The following WDPCP variants were observed in gnomAD, a reference collection of about 807,000 sequenced individuals.
WDPCP encodes the protein WD repeat containing planar cell polarity effector.
A neutral mutation model predicts 93.1 loss-of-function variants in WDPCP; 71 were observed. The ratio of observed to expected loss-of-function variants is 0.76; its 90% CI spans 0.63 to 0.93. The LOEUF is 0.93. WDPCP is among the 40% of genes least tolerant of loss of function. WDPCP has a pLI of 0.00. For missense variants in WDPCP, 844 were observed against 887.4 expected, an observed-to-expected ratio of 0.95 and a Z score of 0.62; for synonymous variants, 315 against 315.0, an observed-to-expected ratio of 1.00 and a Z score of 0.00.
intron 2 of WDPCP, among the ~76,000 whole-genome samples, chr2:63,763,225 C>T (rs763502955): frequency 8.6e-5 from 13 of 152,028 alleles, no homozygotes; most frequent in Non-Finnish European, 1.2e-4. Context: ...GTTGATGGTC[C>T]GGGCACGGTG....
At chr2:63,473,454 A>G (rs1699800369) in intron 6 of WDPCP, among the ~76,000 whole-genome samples, 1 of 152,144 alleles carries the variant, frequency 6.6e-6, no homozygotes, top group Non-Finnish European at 1.5e-5. Flanking sequence ...CTCTTTATAC[A>G]AACTTTCAAC....
chr2:63,606,869 C>T, intron 3 of WDPCP: 1 of 1,610,036 alleles, frequency 6.2e-7, no homozygotes. Flanking sequence ...CAGAATAAGA[C>T]CTGGAAGTTT....
At chr2:63,796,588 A>C (rs1558912867) in intron 2 of WDPCP, among the ~76,000 whole-genome samples, 2 of 152,224 alleles carry the variant, frequency 1.3e-5, no homozygotes, top group African/African-American at 4.8e-5. Context: ...GAAACATTGC[A>C]ATGGAACTCA....
At chr2:63,301,487 CT>C (rs1424858345) in intron 13 of WDPCP, among the ~76,000 whole-genome samples, 4 of 152,294 alleles carry the variant, frequency 2.6e-5, no homozygotes, top group African/African-American at 9.6e-5. Context: ...TTAAAGTGGC[CT>C]TCTTCAACTA....
At chr2:63,704,796 G>A (rs1041335947) in intron 2 of WDPCP, among the ~76,000 whole-genome samples, 2 of 152,176 alleles carry the variant, frequency 1.3e-5, no homozygotes, top group Non-Finnish European at 2.9e-5. Context: ...TTGGTATCAG[G>A]ATGATGCTGG....
At chr2:63,203,812 A>G (rs1676107089) in intron 14 of WDPCP, among the ~76,000 whole-genome samples, 1 of 152,240 alleles carries the variant, frequency 6.6e-6, no homozygotes, top group African/African-American at 2.4e-5. Context: ...AAATGAGAAC[A>G]TGAGAAGTTT....
intron 1 of WDPCP, among the ~76,000 whole-genome samples, chr2:63,814,242 A>G (rs1670900021): frequency 6.6e-6 from 1 of 152,178 alleles, no homozygotes; most frequent in African/African-American, 2.4e-5. Context: ...TTATTTTCCC[A>G]GCCTCCTTTA....
intron 10 of WDPCP, among the ~76,000 whole-genome samples, chr2:63,401,502 A>C (rs1203309020): frequency 6.6e-6 from 1 of 152,124 alleles, no homozygotes; most frequent in East Asian, 1.9e-4. Flanking sequence ...GGCCAGGTGC[A>C]GTGGCTCACA....
intron 13 of WDPCP, among the ~76,000 whole-genome samples, chr2:63,264,791 A>C (rs1313951303): frequency 6.6e-6 from 1 of 152,248 alleles, no homozygotes; most frequent in Non-Finnish European, 1.5e-5. Context: ...TCAAGAGTAC[A>C]TTGAACATTC....
chr2:63,532,551 T>C (rs1575595236), intron 1 of WDPCP, among the ~76,000 whole-genome samples: 1 of 152,192 alleles, frequency 6.6e-6, no homozygotes. Flanking sequence ...TGGGGGCCAA[T>C]ATTCAACATT....
At chr2:63,296,191 A>T (rs1165706923) in intron 13 of WDPCP, among the ~76,000 whole-genome samples, 1 of 145,538 alleles carries the variant, frequency 6.9e-6, no homozygotes, top group African/African-American at 2.6e-5. Flanking sequence ...CAAAAACCAT[A>T]TGATCATCTC....
At chr2:63,559,234 T>C (rs1706385394) in intron 1 of WDPCP, among the ~76,000 whole-genome samples, 1 of 152,208 alleles carries the variant, frequency 6.6e-6, no homozygotes, top group Non-Finnish European at 1.5e-5. Flanking sequence ...CATCCCTTCA[T>C]GTTAAAAACT....
At chr2:63,327,608 T>C (rs1422794505) in intron 12 of WDPCP, among the ~76,000 whole-genome samples, 1 of 152,098 alleles carries the variant, frequency 6.6e-6, no homozygotes, top group Non-Finnish European at 1.5e-5. Context: ...GCTTTTATAC[T>C]AACCAGTCAG....
At chr2:63,808,976 G>A (rs1001022149) in intron 2 of WDPCP, among the ~76,000 whole-genome samples, 16 of 151,986 alleles carry the variant, frequency 1.1e-4, no homozygotes, top group Admixed American at 7.8e-4. Flanking sequence ...GAGATGTGGG[G>A]AGCGCCTCTG....
chr2:63,802,111 A>G (rs1441369000), intron 2 of WDPCP, among the ~76,000 whole-genome samples: 2 of 151,986 alleles, frequency 1.3e-5, no homozygotes, highest in Admixed American at 6.6e-5. Flanking sequence ...TTTTTTCTGA[A>G]TGATTTAGCT....
chr2:63,707,690 G>A (rs1258468487), intron 2 of WDPCP, among the ~76,000 whole-genome samples: 1 of 152,226 alleles, frequency 6.6e-6, no homozygotes, highest in Non-Finnish European at 1.5e-5. Flanking sequence ...TCCTTTGGAG[G>A]AGGAGAGGCA....
chr2:63,551,325 G>C (rs1245406506), intron 1 of WDPCP, among the ~76,000 whole-genome samples: 1 of 152,184 alleles, frequency 6.6e-6, no homozygotes, highest in African/African-American at 2.4e-5. Flanking sequence ...CCTAGTGTTG[G>C]AGATGGGGCC....
intron 15 of WDPCP, among the ~76,000 whole-genome samples, chr2:63,172,529 A>C (rs559425360): frequency 3.9e-5 from 6 of 152,092 alleles, no homozygotes; most frequent in Admixed American, 3.9e-4. Flanking sequence ...AAAAATAATA[A>C]TAAAGAGGTA....
At position 63,390,973 on chromosome 2, in the gene WDPCP, T is replaced by C. The variant is rs571151296; in HGVS notation, c.1436-8879A>G. Among the ~76,000 whole-genome samples, 37 of 152,334 alleles carry C rather than the reference T, an allele frequency of 2.4e-4. No individual in the cohort carries two copies. The East Asian group carries it at 4.6e-3, about 19-fold the overall frequency. On this transcript the variant is annotated intron_variant, in intron 10 of 17. Coordinates refer to ENST00000272321, the MANE Select transcript of WDPCP (RefSeq NM_015910.7). The stretch of plus-strand genomic sequence containing the variant: ...TTCTACCAGAGGTACAAAGAGGAGT[T>C]GGTACCATTCCTTCTGAAACTATTC...
Sources: gnomAD v4.1 joint callset for allele counts (sites outside exome capture counted in the v4.1 genomes callset) on GRCh38, gnomAD v4.1.1 for gene constraint, MANE v1.5 for transcripts, NCBI Gene and HGNC (gene_info 2026-07-23, HGNC 2026-07-21) for gene names.